The following NR3C1 variants were observed in gnomAD, a reference collection of about 807,000 sequenced individuals.
NR3C1 encodes glucocorticoid receptor.
A neutral mutation model predicts 74.0 loss-of-function variants in NR3C1; 14 were observed. The observed-to-expected ratio is 0.19, with a 90% CI of 0.12 to 0.30. NR3C1 has a LOEUF of 0.30. Among genes scored for constraint, NR3C1 ranks in the 10% least tolerant of loss-of-function variants. The pLI is 1.00. For synonymous variants in NR3C1, 308 were observed against 332.5 expected (o/e 0.93, Z 0.80); for missense variants, 695 against 909.8 (o/e 0.76, Z 3.04).
intron 4 of NR3C1, among the ~76,000 whole-genome samples, chr5:143,302,367 A>G (rs1188020993): frequency 6.6e-6 from 1 of 152,120 alleles, no homozygotes; most frequent in Non-Finnish European, 1.5e-5. Flanking sequence ...AAGGAAAGAC[A>G]CCAATACATA....
chr5:143,340,634 C>T (rs915651737), intron 2 of NR3C1, among the ~76,000 whole-genome samples: 5 of 151,898 alleles, frequency 3.3e-5, no homozygotes, highest in Admixed American at 3.3e-4. Flanking sequence ...AGGTGCGCGC[C>T]ACCACGCCCA....
intron 7 of NR3C1, among the ~76,000 whole-genome samples, chr5:143,290,083 T>G (rs1236234336): frequency 6.6e-6 from 1 of 152,228 alleles, no homozygotes; most frequent in African/African-American, 2.4e-5. Flanking sequence ...GTTCTATGAA[T>G]TTTTGTATTA....
At chr5:143,386,992 GT>G (rs1228971653) in intron 2 of NR3C1, among the ~76,000 whole-genome samples, 2 of 152,240 alleles carry the variant, frequency 1.3e-5, no homozygotes, top group Admixed American at 1.3e-4. Context: ...AATACTGAAA[GT>G]GGTGTTCTAG....
Position 143,310,164 on chromosome 5 carries a change from T to G in NR3C1, c.1401A>C (p.Lys467Asn), listed in dbSNP as rs1239400949. ...ATGCTGGGCAGTTTTTTCTTCGAATTTTATCGATGATGCAATCATTCCTTC... is the reference window on the plus strand; with the variant it reads ...ATGCTGGGCAGTTTTTTCTTCGAATGTTATCGATGATGCAATCATTCCTTC... ...CAGRNDCIID[K>N]IRRKNCPACR... The change falls in exon 4 of 9, where the codon AAA becomes AAC. Residue 467 changes from lysine (K) to asparagine (N), a missense_variant. Physicochemically the swap from Lys to Asn is moderately conservative, Grantham distance 94. Coordinates refer to ENST00000394464, the MANE Select transcript of NR3C1 (RefSeq NM_000176.3). 2 of 1,613,902 alleles carry G rather than the reference T, an allele frequency of 1.2e-6. No homozygotes were observed. The highest frequency in any genetic ancestry group is 1.7e-6 in the Non-Finnish European group (2 of 1,179,956).
chr5:143,388,686 T>C (rs1290630777), intron 2 of NR3C1, among the ~76,000 whole-genome samples: 1 of 152,208 alleles, frequency 6.6e-6, no homozygotes, highest in Non-Finnish European at 1.5e-5. Context: ...TGTGGGTATC[T>C]GGGGAAAGAA....
At position 143,285,967 on chromosome 5, in the gene NR3C1, G is replaced by A. The variant is rs1362298430; in HGVS notation, c.2024-3242C>T. ...AAACTGAAAAACTTTTAGCCAGACTGATTAAAAAAAAAAAAAAAAAGCAAG... is the reference window on the plus strand; with the variant it reads ...AAACTGAAAAACTTTTAGCCAGACTAATTAAAAAAAAAAAAAAAAAGCAAG... On this transcript the variant is annotated intron_variant, in intron 7 of 8. Transcript: ENST00000394464. 3.5e-4 allele frequency among the ~76,000 whole-genome samples: 34 copies of A among 97,038 alleles called. 1 individual carries two copies. Among genetic ancestry groups the A allele is most frequent in the Non-Finnish European group, 4.2e-4 (18 of 42,542 alleles). 63.7% of individuals were successfully genotyped at this position (97,038 alleles called of 152,430 possible).
intron 2 of NR3C1, among the ~76,000 whole-genome samples, chr5:143,369,145 G>A (rs944256373): frequency 6.6e-6 from 1 of 152,202 alleles, no homozygotes; most frequent in Admixed American, 6.5e-5. Flanking sequence ...GAGTTTTGGA[G>A]GGGACAAACA....
intron 1 of NR3C1, among the ~76,000 whole-genome samples, chr5:143,414,909 A>G (rs950058281): frequency 6.6e-6 from 1 of 152,218 alleles, no homozygotes; most frequent in African/African-American, 2.4e-5. Context: ...TTATAGAGAA[A>G]ATGGAGAGCA....
At chr5:143,311,369 C>T (rs922444171) in intron 3 of NR3C1, among the ~76,000 whole-genome samples, 17 of 152,216 alleles carry the variant, frequency 1.1e-4, no homozygotes, top group African/African-American at 4.1e-4. Context: ...TTATATCCAA[C>T]TGAAATGTCA....
intron 1 of NR3C1, among the ~76,000 whole-genome samples, chr5:143,431,588 A>T (rs916238720): frequency 6.6e-6 from 1 of 152,130 alleles, no homozygotes; most frequent in African/African-American, 2.4e-5. Flanking sequence ...AGGTGCAGCA[A>T]GCCACCATGG....
At chr5:143,412,042 G>A (rs1395220731) in intron 1 of NR3C1, among the ~76,000 whole-genome samples, 1 of 152,048 alleles carries the variant, frequency 6.6e-6, no homozygotes. Context: ...TGGACTTCCA[G>A]GAACTTTTTA....
chr5:143,403,833 C>A, upstream of NR3C1: 5 of 969,798 alleles, frequency 5.2e-6, no homozygotes, highest in Non-Finnish European at 6.1e-6. Flanking sequence ...TCCCTGCCCC[C>A]ACGCCCTCCG....
chr5:143,421,539 A>AT (rs36029993), intron 1 of NR3C1, among the ~76,000 whole-genome samples: 27,642 of 152,096 alleles, frequency 0.18, 2,715 homozygotes, highest in Middle Eastern at 0.35. Context: ...ATAGCCTGGC[A>AT]CATGGGTGTG....
At chr5:143,435,427 T>C (rs1476100466) in exon 1 of NR3C1, 16 of 985,348 alleles carry the variant, frequency 1.6e-5, no homozygotes, top group Non-Finnish European at 1.8e-5. Context: ...AATGTCTGCA[T>C]AGGCACAAGA....
At chr5:143,374,353 G>A (rs1268147787) in intron 2 of NR3C1, among the ~76,000 whole-genome samples, 5 of 152,190 alleles carry the variant, frequency 3.3e-5, no homozygotes, top group East Asian at 1.9e-4. Context: ...TTAGCCGGGC[G>A]CGGTGGCAGG....
intron 2 of NR3C1, chr5:143,390,015 A>G: frequency 1.4e-6 from 1 of 702,142 alleles, no homozygotes; most frequent in Non-Finnish European, 1.8e-6. Context: ...GTTCTTAAGC[A>G]GGCTGTTGTC....
chr5:143,376,339 G>C (rs1362372761), intron 2 of NR3C1, among the ~76,000 whole-genome samples: 2 of 152,194 alleles, frequency 1.3e-5, no homozygotes, highest in African/African-American at 4.8e-5. Flanking sequence ...TGAGGACACA[G>C]ACACCTAAGC....
At chr5:143,342,765 T>C (rs960142400) in intron 2 of NR3C1, among the ~76,000 whole-genome samples, 4 of 152,194 alleles carry the variant, frequency 2.6e-5, no homozygotes, top group Non-Finnish European at 5.9e-5. Flanking sequence ...TCATGAAGCT[T>C]CAACAGCTCA....
chr5:143,339,256 T>A (rs1415098438), intron 2 of NR3C1, among the ~76,000 whole-genome samples: 1 of 152,158 alleles, frequency 6.6e-6, no homozygotes, highest in Non-Finnish European at 1.5e-5. Context: ...AAAATGTAAC[T>A]CAAAATAAAA....
Sources: allele counts gnomAD v4.1 joint callset (sites outside exome capture counted in the v4.1 genomes callset), GRCh38; gene constraint gnomAD v4.1.1; transcripts MANE v1.5; gene names NCBI Gene and HGNC (gene_info 2026-07-23, HGNC 2026-07-21).